The following RNF13 variants were observed in gnomAD, a reference collection of about 807,000 sequenced individuals.
RNF13 encodes E3 ubiquitin-protein ligase RNF13.
A neutral mutation model predicts 37.7 loss-of-function variants in RNF13; 19 were observed. The ratio of observed to expected loss-of-function variants is 0.50; its 90% CI spans 0.35 to 0.74. The LOEUF is 0.74. RNF13 is among the 30% of genes least tolerant of loss of function. The pLI, the probability that RNF13 is intolerant of heterozygous loss-of-function variation, is 0.01. For missense variants in RNF13, 375 were observed against 453.0 expected, an observed-to-expected ratio of 0.83 and a Z score of 1.56; for synonymous variants, 144 against 157.8, an observed-to-expected ratio of 0.91 and a Z score of 0.65.
intron 3 of RNF13, among the ~76,000 whole-genome samples, chr3:149,871,790 T>C (rs914680694): frequency 1.3e-5 from 2 of 152,196 alleles, no homozygotes; most frequent in South Asian, 4.1e-4. Context: ...TGCCTGAGTT[T>C]GCTTATTATT....
At chr3:149,902,531 C>T (rs921382040) in intron 6 of RNF13, among the ~76,000 whole-genome samples, 5 of 151,918 alleles carry the variant, frequency 3.3e-5, no homozygotes, top group African/African-American at 1.2e-4. Flanking sequence ...ATATTATAAA[C>T]ACAGAATCCA....
At chr3:149,927,043 T>C (rs959382982) in intron 8 of RNF13, among the ~76,000 whole-genome samples, 8 of 152,236 alleles carry the variant, frequency 5.3e-5, no homozygotes, top group African/African-American at 1.9e-4. Flanking sequence ...TTAATCATTT[T>C]AAAGTATCTT....
At chr3:149,870,868 G>A (rs1351783082) in intron 3 of RNF13, among the ~76,000 whole-genome samples, 1 of 151,736 alleles carries the variant, frequency 6.6e-6, no homozygotes. Context: ...GATGATTGGT[G>A]TGACCAGTTC....
intron 1 of RNF13, among the ~76,000 whole-genome samples, chr3:149,836,198 A>G (rs1721607282): frequency 6.6e-6 from 1 of 152,156 alleles, no homozygotes; most frequent in Admixed American, 6.5e-5. Context: ...TCTTTTGAGA[A>G]TTGCCTATTC....
chr3:149,838,569 A>G (rs1384635745), intron 1 of RNF13, among the ~76,000 whole-genome samples: 1 of 152,218 alleles, frequency 6.6e-6, no homozygotes, highest in Non-Finnish European at 1.5e-5. Flanking sequence ...CTCTGAAGCC[A>G]GGGCCCAAAC....
chr3:149,927,783 A>G (rs1251099407), intron 8 of RNF13, among the ~76,000 whole-genome samples: 1 of 152,092 alleles, frequency 6.6e-6, no homozygotes, highest in Non-Finnish European at 1.5e-5. Context: ...TATCTGTTCA[A>G]GTACTTTTCT....
chr3:149,871,753 G>A (rs552008055), intron 3 of RNF13, among the ~76,000 whole-genome samples: 73 of 152,174 alleles, frequency 4.8e-4, no homozygotes, highest in African/African-American at 1.8e-3. Context: ...AAATATACCA[G>A]TGGTTGTCTT....
At chr3:149,902,518 T>C (rs761210127) in intron 6 of RNF13, among the ~76,000 whole-genome samples, 3 of 152,088 alleles carry the variant, frequency 2.0e-5, no homozygotes, top group Non-Finnish European at 4.4e-5. Context: ...AAAGATATTT[T>C]ATATATTATA....
At chr3:149,864,855 T>A (rs557251476) in intron 3 of RNF13, among the ~76,000 whole-genome samples, 1 of 152,328 alleles carries the variant, frequency 6.6e-6, no homozygotes, top group Admixed American at 6.5e-5. Flanking sequence ...AAATTATTGA[T>A]CATATTTCCT....
intron 1 of RNF13, among the ~76,000 whole-genome samples, chr3:149,842,860 C>T (rs142274918): frequency 4.7e-4 from 71 of 152,214 alleles, no homozygotes; most frequent in Non-Finnish European, 9.3e-4. Flanking sequence ...AAGGGAGGGA[C>T]GCTCCACAGT....
chr3:149,877,896 T>C (rs1394980406), intron 4 of RNF13, among the ~76,000 whole-genome samples: 1 of 152,168 alleles, frequency 6.6e-6, no homozygotes, highest in Non-Finnish European at 1.5e-5. Context: ...CATTTGTTCA[T>C]TCATTTCTTC....
intron 1 of RNF13, among the ~76,000 whole-genome samples, chr3:149,816,409 A>G (rs1455807069): frequency 6.6e-6 from 1 of 152,046 alleles, no homozygotes; most frequent in South Asian, 2.1e-4. Context: ...ACCTTGGGGA[A>G]GCTCCTCCTC....
intron 1 of RNF13, among the ~76,000 whole-genome samples, chr3:149,833,388 A>G: frequency 6.6e-6 from 1 of 152,152 alleles, no homozygotes; most frequent in Non-Finnish European, 1.5e-5. Context: ...ATGCTAGCAA[A>G]CTGAATTCAG....
chr3:149,821,886 C>T lies in RNF13; in HGVS notation c.-17+8533C>T, dbSNP rs540943724. Among the ~76,000 whole-genome samples the T allele has an allele frequency of 5.9e-5, 9 of 152,212 alleles. No homozygotes were observed. The South Asian group carries it at 1.9e-3, about 32-fold the overall frequency. ...TGCATGTGAATAGTTGTCCCGGCAC[C>T]ACTTGTTGAAGACACTGTTCTTTTG... On this transcript the variant is annotated intron_variant, in intron 1 of 9. Coordinates refer to ENST00000392894, the MANE Select transcript of RNF13 (RefSeq NM_183381.3).
At position 149,874,666 on chromosome 3, in the gene RNF13, C is replaced by T. The variant is rs78118116; in HGVS notation, c.321+2512C>T. Among the ~76,000 whole-genome samples, 597 of 152,236 alleles carry T rather than the reference C, an allele frequency of 3.9e-3. 3 individuals carry two copies. The highest frequency in any genetic ancestry group is 0.014 in the African/African-American group (568 of 41,558). On this transcript the variant is annotated intron_variant, in intron 4 of 9. Coordinates refer to ENST00000392894, the MANE Select transcript of RNF13 (RefSeq NM_183381.3). ...CACATGTGATATAGCAACTCAGTGTCAGCTGATGTAAAATTTCTGACTTGG... is the reference window on the plus strand; with the variant it reads ...CACATGTGATATAGCAACTCAGTGTTAGCTGATGTAAAATTTCTGACTTGG...
chr3:149,926,837 T>C (rs936897453), intron 8 of RNF13, among the ~76,000 whole-genome samples: 1 of 152,156 alleles, frequency 6.6e-6, no homozygotes, highest in African/African-American at 2.4e-5. Context: ...TCAATTACAG[T>C]AGGTTCATGG....
At chr3:149,917,618 T>A (rs965439686) in intron 7 of RNF13, among the ~76,000 whole-genome samples, 1 of 152,228 alleles carries the variant, frequency 6.6e-6, no homozygotes, top group Non-Finnish European at 1.5e-5. Context: ...ACTTATGAAT[T>A]ACTTCAGTAC....
chr3:149,947,167 T>C (rs940031538), intron 8 of RNF13, among the ~76,000 whole-genome samples: 18 of 152,328 alleles, frequency 1.2e-4, no homozygotes, highest in South Asian at 1.0e-3. Context: ...TTAAGGCTTT[T>C]TTCGTGGTCT....
intron 4 of RNF13, among the ~76,000 whole-genome samples, chr3:149,888,353 A>C (rs544557828): frequency 3.3e-5 from 5 of 152,218 alleles, no homozygotes; most frequent in Non-Finnish European, 7.3e-5. Context: ...TGTTATTAAA[A>C]TTAGAAGAGA....
Sources: gnomAD v4.1 joint callset for allele counts (sites outside exome capture counted in the v4.1 genomes callset) on GRCh38, gnomAD v4.1.1 for gene constraint, MANE v1.5 for transcripts, NCBI Gene and HGNC (gene_info 2026-07-23, HGNC 2026-07-21) for gene names.